CTSB: variants seen among roughly 807,000 people sequenced by gnomAD.
The protein encoded by CTSB is APP secretase.
In CTSB, 57 loss-of-function variants were observed where a neutral mutation model predicts 44.3. The observed-to-expected ratio is 1.29, with a 90% CI of 1.04 to 1.60. The LOEUF is 1.60. Among genes scored for constraint, CTSB ranks in the 40% most tolerant of loss-of-function variants. The pLI, the probability that CTSB is intolerant of heterozygous loss-of-function variation, is 0.00. For missense variants in CTSB, 768 were observed against 443.0 expected (o/e 1.73, Z -6.59); for synonymous variants, 320 against 168.0 (o/e 1.91, Z -7.00).
At chr8:11,853,715 G>A in intron 1 of CTSB, 2 of 465,604 alleles carry the variant, frequency 4.3e-6, no homozygotes, top group South Asian at 6.5e-5. Context: ...AGAGCCAAGG[G>A]GCTGTGCTGG....
intron 5 of CTSB, chr8:11,848,535 A>G: frequency 2.7e-6 from 1 of 370,600 alleles, no homozygotes; most frequent in African/African-American, 2.1e-5. Context: ...AGTGATTCCC[A>G]TTTAACTAGT....
chr8:11,867,346 T>C (rs1194404372), intron 1 of CTSB: 1 of 152,522 alleles, frequency 6.6e-6, no homozygotes, highest in Non-Finnish European at 1.5e-5. Context: ...CCCACCGGCA[T>C]CCAATCGCCC....
At chr8:11,866,858 C>T (rs559578337) in intron 1 of CTSB, among the ~76,000 whole-genome samples, 3 of 152,326 alleles carry the variant, frequency 2.0e-5, no homozygotes, top group Non-Finnish European at 2.9e-5. Flanking sequence ...AGCCAACGCC[C>T]TCTTAGGCCT....
intron 2 of CTSB, 58 bp from the exon 3 acceptor site, chr8:11,852,753 G>C: frequency 1.3e-6 from 2 of 1,493,820 alleles, no homozygotes; most frequent in Non-Finnish European, 1.9e-6. Context: ...GGATGGGCAC[G>C]CTGCCCACAC....
chr8:11,858,048 A>C (rs1217170051), intron 1 of CTSB: 1 of 152,210 alleles, frequency 6.6e-6, no homozygotes, highest in Admixed American at 6.5e-5. Context: ...ACCTTCCCCA[A>C]GCCTCAGTTT....
At chr8:11,864,204 C>T (rs1484767273) in intron 1 of CTSB, among the ~76,000 whole-genome samples, 1 of 150,676 alleles carries the variant, frequency 6.6e-6, no homozygotes, top group Admixed American at 6.7e-5. Flanking sequence ...GGAGGTGACT[C>T]ATGCCTTGTA....
chr8:11,843,479 T>C lies in CTSB; in HGVS notation c.*1646A>G, dbSNP rs1397395613. ...ATGATTGCTGGTTCTTCTAGTTTGCTCTATACCAAGAACTGCTATAACATG... is the reference window on the plus strand; with the variant it reads ...ATGATTGCTGGTTCTTCTAGTTTGCCCTATACCAAGAACTGCTATAACATG... On this transcript the variant is annotated 3_prime_UTR_variant, in exon 10 of 10. Coordinates refer to ENST00000353047, the MANE Select transcript of CTSB (RefSeq NM_001908.5). 2 of 152,234 alleles carry C rather than the reference T, an allele frequency of 1.3e-5. No homozygotes were observed. Among genetic ancestry groups the C allele is most frequent in the African/African-American group, 2.4e-5 (1 of 41,438 alleles). The allele number at this position is 152,234 out of a possible 1,614,324, so 9.4% of individuals were successfully genotyped here. A position where few individuals can be genotyped will look rare whatever the true frequency, so the allele number is the denominator to read the frequency against.
At chr8:11,863,560 A>T (rs1454957160) in intron 1 of CTSB, among the ~76,000 whole-genome samples, 2 of 152,196 alleles carry the variant, frequency 1.3e-5, no homozygotes, top group Non-Finnish European at 2.9e-5. Context: ...GCAATTTTTT[A>T]AATTTTTGCA....
At chr8:11,847,191 G>C (rs1217106331) in intron 7 of CTSB, 23 bp from the exon 8 acceptor site, 15 of 1,499,678 alleles carry the variant, frequency 1.0e-5, no homozygotes, top group South Asian at 9.0e-5. Flanking sequence ...CCGAGCTCGG[G>C]GTTGGGGAGG....
intron 8 of CTSB, 50 bp downstream of exon 8, chr8:11,847,002 G>A (rs577207821): frequency 3.3e-6 from 3 of 908,018 alleles, no homozygotes; most frequent in East Asian, 2.5e-5. Context: ...TGGCACCCAG[G>A]CTCCCCTCCC....
At chr8:11,862,323 A>T (rs1214404967) in intron 1 of CTSB, 1 of 152,026 alleles carries the variant, frequency 6.6e-6, no homozygotes, top group African/African-American at 2.4e-5. Context: ...ATACAAGGAG[A>T]CACTCTTTTG....
Position 11,849,114 on chromosome 8 carries a change from A to G in CTSB, c.378T>C (p.Asn126=), listed in dbSNP as rs369634051. The G allele has an allele frequency of 7.4e-6, 12 of 1,613,460 alleles. No homozygotes were observed. Among genetic ancestry groups the G allele is most frequent in the South Asian group, 5.5e-5 (5 of 91,068 alleles). The stretch of plus-strand genomic sequence containing the variant: ...CCGACACCTCCACGCTGACGTGCGC[A>G]TTGGTGTGGATGCAGATCCGGTCAG... The part of the protein sequence containing the change: ...AISDRICIHT[N]AHVSVEVSAE... Residue 126 remains asparagine, a synonymous_variant, in exon 5 of 10, where the codon AAT becomes AAC. Coordinates refer to ENST00000353047, the MANE Select transcript of CTSB (RefSeq NM_001908.5).
chr8:11,863,041 A>AG (rs1482409923), intron 1 of CTSB, among the ~76,000 whole-genome samples: 2 of 152,246 alleles, frequency 1.3e-5, no homozygotes, highest in African/African-American at 2.4e-5. Context: ...GGCTGAGCAC[A>AG]GTGGCTCACA....
intron 3 of CTSB, among the ~76,000 whole-genome samples, chr8:11,851,285 G>A (rs1410787497): frequency 6.6e-6 from 1 of 152,140 alleles, no homozygotes; most frequent in African/African-American, 2.4e-5. Context: ...TGCCTCCTGA[G>A]TTCAATCGAT....
Position 11,853,376 on chromosome 8 carries a change from A to G in CTSB, c.79T>C (p.Ser27Pro). ...TTGACATAGTTGACCAGCTCATCCG[A>G]CAGGGGATGGAAAGAGGGCCTGCTC... The part of the protein sequence containing the change: ...ARSRPSFHPL[S>P]DELVNYVNKR... The change falls in exon 2 of 10, where the codon TCG (serine) becomes CCG (proline). Residue 27 changes from serine (S) to proline (P), a missense_variant. By Grantham distance (74) the Ser-to-Pro change is moderately conservative. Transcript: ENST00000353047. 2 of 1,612,928 alleles carry G rather than the reference A, an allele frequency of 1.2e-6. No individual in the cohort carries two copies. Among genetic ancestry groups the G allele is most frequent in the Non-Finnish European group, 1.7e-6 (2 of 1,179,770 alleles).
chr8:11,848,021 T>TCAAA, intron 6 of CTSB, 46 bp downstream of exon 6: 1 of 1,495,404 alleles, frequency 6.7e-7, no homozygotes, highest in Non-Finnish European at 9.2e-7. Context: ...GGTTAATTGC[T>TCAAA]CAAACAATCC....
intron 4 of CTSB, 45 bp from the exon 5 acceptor site, chr8:11,849,209 G>C (rs780704681): frequency 1.3e-6 from 2 of 1,544,310 alleles, no homozygotes; most frequent in Non-Finnish European, 1.8e-6. Flanking sequence ...TGTCCGGGCT[G>C]GGCCCTCTGC....
intron 2 of CTSB, among the ~76,000 whole-genome samples, 190 bp downstream of exon 2, chr8:11,853,139 A>C (rs1448940404): frequency 2.0e-5 from 3 of 151,970 alleles, no homozygotes; most frequent in Non-Finnish European, 4.4e-5. Flanking sequence ...ACTCATGCAC[A>C]CACGTGGGGT....
intron 4 of CTSB, 146 bp downstream of exon 4, chr8:11,850,720 T>C: frequency 1.8e-6 from 1 of 560,424 alleles, no homozygotes; most frequent in Non-Finnish European, 3.2e-6. Flanking sequence ...AGAGGGATTG[T>C]GATTTTTGTA....
Sources: gnomAD v4.1 joint callset for allele counts (sites outside exome capture counted in the v4.1 genomes callset) on GRCh38, gnomAD v4.1.1 for gene constraint, MANE v1.5 for transcripts, NCBI Gene and HGNC (gene_info 2026-07-23, HGNC 2026-07-21) for gene names.